NAV2: variants seen among roughly 807,000 people sequenced by gnomAD.
NAV2 encodes helicase, APC down-regulated 1.
NAV2 carries 54 observed loss-of-function variants against 223.2 expected under a neutral mutation model. The observed-to-expected ratio is 0.24, with a 90% CI of 0.19 to 0.30. The LOEUF (loss-of-function observed/expected upper bound fraction) is 0.30. NAV2 is among the 10% of genes least tolerant of loss of function. NAV2 has a pLI of 1.00. For missense variants in NAV2, 2,806 were observed against 3,147.5 expected, an observed-to-expected ratio of 0.89 and a Z score of 2.60; for synonymous variants, 1,279 against 1,239.3, an observed-to-expected ratio of 1.03 and a Z score of -0.67.
At chr11:19,626,405 A>G (rs555819013) in intron 1 of NAV2, among the ~76,000 whole-genome samples, 13 of 152,286 alleles carry the variant, frequency 8.5e-5, no homozygotes, top group African/African-American at 2.9e-4. Context: ...ATTTATGCCA[A>G]TGCCATGTGG....
intron 1 of NAV2, among the ~76,000 whole-genome samples, chr11:19,389,653 G>A (rs1849172404): frequency 1.3e-5 from 2 of 152,222 alleles, no homozygotes; most frequent in South Asian, 2.1e-4. Flanking sequence ...GCCATAATTT[G>A]TGTGAATGGT....
At chr11:19,953,899 T>G (rs1000703099) in intron 10 of NAV2, among the ~76,000 whole-genome samples, 3 of 151,824 alleles carry the variant, frequency 2.0e-5, no homozygotes, top group South Asian at 2.1e-4. Context: ...CCACTAAACT[T>G]GGAGTTCCTA....
rs769334442 is a variant in NAV2 at position 20,097,675 on chromosome 11, C to G, written c.6111C>G (p.Ser2037=). 2 of 1,613,288 alleles carry G rather than the reference C, an allele frequency of 1.2e-6. No homozygotes were observed. Among genetic ancestry groups the G allele is most frequent in the African/African-American group, 2.7e-5 (2 of 74,904 alleles). The change falls in exon 31 of 38, where the codon TCC becomes TCG. Residue 2037 remains serine, a synonymous_variant. Transcript: ENST00000349880. The part of the protein sequence containing the change: ...SIGEIKRSNT[S]ETPELLPCGY... ...GAGAAATCAAGCGCAGCAACACTTC[C>G]GAAACACCGGAGCTGCTTCCTTGTG...
chr11:20,036,329 G>C (rs1344889441), intron 12 of NAV2, among the ~76,000 whole-genome samples: 2 of 152,218 alleles, frequency 1.3e-5, no homozygotes, highest in Non-Finnish European at 2.9e-5. Flanking sequence ...CACCCTCACT[G>C]TGTGGACTTG....
intron 1 of NAV2, among the ~76,000 whole-genome samples, chr11:19,572,304 G>A (rs957126482): frequency 1.3e-5 from 2 of 152,194 alleles, no homozygotes; most frequent in Admixed American, 6.5e-5. Context: ...AAAGCCCTCC[G>A]TCCCTTCTTA....
Position 20,066,711 on chromosome 11 carries a change from T to G in NAV2, c.4885-1475T>G, listed in dbSNP as rs150214937. Among the ~76,000 whole-genome samples the G allele has an allele frequency of 2.3e-3, 346 of 152,316 alleles. 1 individual carries two copies. The highest frequency in any genetic ancestry group is 7.7e-3 in the African/African-American group (321 of 41,588). On this transcript the variant is annotated intron_variant, in intron 20 of 37. Coordinates refer to ENST00000349880, the MANE Select transcript of NAV2 (RefSeq NM_145117.5). ...ACTTTGTATTGTGAACTAATGGAGA[T>G]GCTGACATCAGGGTCAGATGCTGAT... is the stretch of plus-strand genomic sequence containing the variant.
In NAV2 at chr11:19,745,312, A is replaced by T. The variant is rs75131472; in HGVS notation, c.267+31350A>T. The stretch of plus-strand genomic sequence containing the variant: ...TATTTTATGACTGCATTTGCAAAAG[A>T]CAAATATAATCCAGGCTAAATTGTA... On this transcript the variant is annotated intron_variant, in intron 1 of 37. Coordinates refer to ENST00000349880, the MANE Select transcript of NAV2 (RefSeq NM_145117.5). Among the ~76,000 whole-genome samples, 582 of 152,370 alleles carry T rather than the reference A, an allele frequency of 3.8e-3. 3 individuals are homozygous for T. Among genetic ancestry groups the T allele is most frequent in the African/African-American group, 0.013 (556 of 41,582 alleles).
chr11:19,725,539 A>G (rs560164718), intron 1 of NAV2, among the ~76,000 whole-genome samples: 2 of 152,214 alleles, frequency 1.3e-5, no homozygotes, highest in African/African-American at 4.8e-5. Context: ...CCTGGAAAGT[A>G]CTCCTAAACT....
intron 1 of NAV2, among the ~76,000 whole-genome samples, chr11:19,815,880 C>T (rs2059066986): frequency 6.6e-6 from 1 of 152,202 alleles, no homozygotes; most frequent in Admixed American, 6.5e-5. Flanking sequence ...GAGGCAGAGA[C>T]AGCACTGTTG....
Position 20,100,953 on chromosome 11 carries a change from C to T in NAV2, c.6198C>T (p.Ser2066=), listed in dbSNP as rs770256033. ...CAAATGCAGGGCTCGCAGAAAACAG[C>T]CTGGACTCACTGGTGTTTGAGTCCT... ...SVTVKGLAEN[S]LDSLVFESLI... Residue 2066 remains serine (S), a synonymous_variant, in exon 32 of 38, where the codon AGC becomes AGT. Transcript: ENST00000349880. 3.1e-6 allele frequency: 5 copies of T among 1,614,066 alleles called. No homozygotes were observed. The highest frequency in any genetic ancestry group is 4.2e-6 in the Non-Finnish European group (5 of 1,179,972).
chr11:19,681,420 G>C (rs377217176), intron 1 of NAV2, among the ~76,000 whole-genome samples: 1 of 152,154 alleles, frequency 6.6e-6, no homozygotes, highest in South Asian at 2.1e-4. Context: ...GATAGAGTTA[G>C]CGTTTGAACC....
At chr11:19,944,824 T>C (rs1025073603) in intron 8 of NAV2, among the ~76,000 whole-genome samples, 1 of 149,746 alleles carries the variant, frequency 6.7e-6, no homozygotes, top group Non-Finnish European at 1.5e-5. Context: ...TCTTCCTTGC[T>C]TGCTTGCTTT....
intron 1 of NAV2, among the ~76,000 whole-genome samples, chr11:19,669,453 T>C (rs2135792279): frequency 6.6e-6 from 1 of 152,324 alleles, no homozygotes; most frequent in Admixed American, 6.5e-5. Flanking sequence ...ATCACTGAAG[T>C]GTGGATGACA....
rs184144736 is a variant in NAV2, at chr11:19,556,886, G to A, written c.75+205859G>A. ...TTTGGTTAGATCATGAAATAAAAAC[G>A]TCATTTTTCCTATCCAAGTTCATGT... On this transcript the variant is annotated intron_variant, in intron 1 of 37. Coordinates refer to the NAV2 transcript ENST00000360655. 3.2e-4 allele frequency among the ~76,000 whole-genome samples: 48 copies of A among 152,124 alleles called. 1 individual carries two copies. Among genetic ancestry groups the A allele is most frequent in the Admixed American group, 1.2e-3 (18 of 15,272 alleles).
intron 11 of NAV2, among the ~76,000 whole-genome samples, 192 bp downstream of exon 11, chr11:19,984,439 C>G (rs1309351457): frequency 6.6e-6 from 1 of 152,110 alleles, no homozygotes; most frequent in Non-Finnish European, 1.5e-5. Context: ...GTTCTTGAGT[C>G]CTGCTTCTGT....
intron 7 of NAV2, among the ~76,000 whole-genome samples, chr11:19,935,851 G>GTTTTTTTTTTTTCTTTTTTTTTT (rs1555156775): frequency 1.9e-5 from 1 of 52,702 alleles, no homozygotes; most frequent in Non-Finnish European, 3.4e-5. Context: ...TTTTGTTTCT[G>GTTTTTTTTTTTTCTTTTTTTTTT]TTTTTTTTTT....
intron 18 of NAV2, among the ~76,000 whole-genome samples, chr11:20,054,551 T>C (rs2058243979): frequency 6.6e-6 from 1 of 152,214 alleles, no homozygotes; most frequent in South Asian, 2.1e-4. Flanking sequence ...TAATCAATAA[T>C]TTTCTTTATT....
intron 1 of NAV2, among the ~76,000 whole-genome samples, chr11:19,380,960 C>T (rs966127513): frequency 3.9e-5 from 6 of 152,244 alleles, no homozygotes; most frequent in Admixed American, 3.3e-4. Flanking sequence ...CACTGCAGCC[C>T]CACCTCCTTC....
chr11:19,466,268 CCT>C (rs1852346556), intron 1 of NAV2, among the ~76,000 whole-genome samples: 1 of 152,156 alleles, frequency 6.6e-6, no homozygotes, highest in Non-Finnish European at 1.5e-5. Context: ...CCTCCTGTGA[CCT>C]CGATGCGGAA....
Sources: allele counts gnomAD v4.1 joint callset (sites outside exome capture counted in the v4.1 genomes callset), GRCh38; gene constraint gnomAD v4.1.1; transcripts MANE v1.5; gene names NCBI Gene and HGNC (gene_info 2026-07-23, HGNC 2026-07-21).